The following PTPRT variants were observed in gnomAD, a reference collection of about 807,000 sequenced individuals.
The protein encoded by PTPRT is protein tyrosine phosphatase receptor type T.
Under a neutral mutation model 176.8 loss-of-function variants are expected in PTPRT, and 56 were observed. The observed-to-expected ratio is 0.32, with a 90% confidence interval of 0.26 to 0.40. The LOEUF (loss-of-function observed/expected upper bound fraction) is 0.40, where lower values mean the gene tolerates loss of function less well. PTPRT is among the 10% of genes least tolerant of loss of function. The pLI is 1.00. For synonymous variants in PTPRT, 783 were observed against 739.0 expected, an observed-to-expected ratio of 1.06 and a Z score of -0.96; for missense variants, 1,540 against 1,908.2, an observed-to-expected ratio of 0.81 and a Z score of 3.60.
intron 17 of PTPRT, among the ~76,000 whole-genome samples, chr20:42,157,049 G>A (rs745512280): frequency 3.3e-5 from 5 of 152,018 alleles, no homozygotes; most frequent in Non-Finnish European, 5.9e-5. Flanking sequence ...TTCTCCAGTC[G>A]AATCTCCTAT....
At chr20:42,952,120 G>A (rs1981292619) in intron 1 of PTPRT, among the ~76,000 whole-genome samples, 1 of 152,196 alleles carries the variant, frequency 6.6e-6, no homozygotes, top group South Asian at 2.1e-4. Context: ...TGGCCACGCA[G>A]TGTCCAGCCT....
intron 7 of PTPRT, among the ~76,000 whole-genome samples, 200 bp from the exon 8 acceptor site, chr20:42,472,762 C>T (rs1001977488): frequency 2.0e-5 from 3 of 152,180 alleles, no homozygotes; most frequent in African/African-American, 7.2e-5. Context: ...TATTTAAATA[C>T]ATGCATCTAA....
chr20:42,462,928 A>G (rs1450216454), intron 8 of PTPRT, among the ~76,000 whole-genome samples: 1 of 152,158 alleles, frequency 6.6e-6, no homozygotes, highest in Non-Finnish European at 1.5e-5. Context: ...TTGCATAGTG[A>G]AGTAGTGGAT....
chr20:43,002,355 A>G (rs1000713033), intron 1 of PTPRT, among the ~76,000 whole-genome samples: 14 of 99,396 alleles, frequency 1.4e-4, no homozygotes, highest in Admixed American at 3.1e-4. Flanking sequence ...CAGAAAGATA[A>G]TAAGTATTAA....
At chr20:43,155,842 A>C (rs2014502704) in intron 1 of PTPRT, among the ~76,000 whole-genome samples, 1 of 152,212 alleles carries the variant, frequency 6.6e-6, no homozygotes, top group Non-Finnish European at 1.5e-5. Flanking sequence ...CATTAAAATA[A>C]ATTTTTTTAA....
chr20:42,540,294 G>T (rs866570990), intron 7 of PTPRT, among the ~76,000 whole-genome samples: 45 of 152,132 alleles, frequency 3.0e-4, no homozygotes, highest in African/African-American at 1.1e-3. Flanking sequence ...TCTTCCCTGA[G>T]TGTGAGAGTC....
intron 4 of PTPRT, among the ~76,000 whole-genome samples, chr20:42,779,063 T>A (rs2145493383): frequency 6.6e-6 from 1 of 152,298 alleles, no homozygotes; most frequent in African/African-American, 2.4e-5. Context: ...TGTAATGTGT[T>A]CCAAATTCCT....
intron 1 of PTPRT, among the ~76,000 whole-genome samples, chr20:43,082,095 C>T (rs577744779): frequency 3.6e-4 from 55 of 152,146 alleles, no homozygotes; most frequent in African/African-American, 1.2e-3. Context: ...GGTTATTTTC[C>T]TAGAATGCCA....
rs201929661 is a variant in PTPRT, at chr20:43,175,388, C to G, written c.88+14258G>C. On this transcript the variant is annotated intron_variant, in intron 1 of 30. Coordinates refer to ENST00000373187, the MANE Select transcript of PTPRT (RefSeq NM_007050.6). ...AGGCCTTCCATATAGAAAATAAAAC[C>G]TAAATTTGTCTTGAAAAGATGACAG... Among the ~76,000 whole-genome samples, 48 of 152,354 alleles carry G rather than the reference C, an allele frequency of 3.2e-4. 2 individuals carry two copies. The East Asian group carries it at 5.6e-3, about 18-fold the overall frequency.
At chr20:43,038,643 A>T (rs1266319409) in intron 1 of PTPRT, among the ~76,000 whole-genome samples, 2 of 152,220 alleles carry the variant, frequency 1.3e-5, no homozygotes, top group Non-Finnish European at 2.9e-5. Flanking sequence ...AAGCATTTAA[A>T]AAGAGAAAAC....
At position 42,079,803 on chromosome 20, in the gene PTPRT, C is replaced by T; in HGVS notation, c.*1076G>A. 4.3e-6 allele frequency: 1 copy of T among 230,258 alleles called. No individual in the cohort carries two copies. Among genetic ancestry groups the T allele is most frequent in the East Asian group, 6.1e-5 (1 of 16,278 alleles). 14.3% of individuals were successfully genotyped at this position (230,258 alleles called of 1,614,324 possible). A position where few individuals can be genotyped will look rare whatever the true frequency, so the allele number is the denominator to read the frequency against. The stretch of plus-strand genomic sequence containing the variant: ...AGAAACCAAAGGGACCATCTTCAGG[C>T]TCACCCATCTCTCCTTGCTCAGTGG... On this transcript the variant is annotated 3_prime_UTR_variant, in exon 31 of 31. Coordinates refer to ENST00000373187, the MANE Select transcript of PTPRT (RefSeq NM_007050.6).
intron 1 of PTPRT, among the ~76,000 whole-genome samples, chr20:43,078,887 T>G (rs1443528028): frequency 6.6e-6 from 1 of 152,172 alleles, no homozygotes; most frequent in Non-Finnish European, 1.5e-5. Context: ...AGGAAGCTGC[T>G]CTTCTTGCCG....
At chr20:42,272,910 G>A (rs1020457241) in intron 13 of PTPRT, among the ~76,000 whole-genome samples, 1 of 152,154 alleles carries the variant, frequency 6.6e-6, no homozygotes, top group African/African-American at 2.4e-5. Flanking sequence ...TGGCTTGAAG[G>A]CTTTCTTGAC....
rs146552440 is a variant in PTPRT at position 42,878,631 on chromosome 20, G to A, written c.214+7176C>T. On this transcript the variant is annotated intron_variant, in intron 2 of 30. Coordinates refer to ENST00000373187, the MANE Select transcript of PTPRT (RefSeq NM_007050.6). ...TCTCAAAAACAAGTGACAATATCTC[G>A]AACTCATGGGATGGTGGGACATTAG... Among the ~76,000 whole-genome samples, 391 of 152,238 alleles carry A rather than the reference G, an allele frequency of 2.6e-3. 1 individual carries two copies. The highest frequency in any genetic ancestry group is 8.9e-3 in the African/African-American group (370 of 41,540).
At chr20:42,985,788 G>C (rs1211473051) in intron 1 of PTPRT, among the ~76,000 whole-genome samples, 4 of 152,154 alleles carry the variant, frequency 2.6e-5, no homozygotes, top group Admixed American at 2.6e-4. Context: ...TCAAAGTCTA[G>C]CGGGGGGATG....
chr20:42,925,885 A>G (rs1050682271), intron 1 of PTPRT, among the ~76,000 whole-genome samples: 4 of 152,212 alleles, frequency 2.6e-5, no homozygotes, highest in African/African-American at 9.6e-5. Flanking sequence ...ACTGCACATG[A>G]GTACCTTCTG....
rs535613061 is a variant in PTPRT at position 42,768,460 on chromosome 20, C to CTGGGAACAATTCCTGTCTGGCTTCTG, written c.684+2949_684+2974dup. Among the ~76,000 whole-genome samples the CTGGGAACAATTCCTGTCTGGCTTCTG allele has an allele frequency of 7.3e-3, 1,105 of 152,276 alleles. 10 individuals are homozygous for CTGGGAACAATTCCTGTCTGGCTTCTG. The highest frequency in any genetic ancestry group is 0.011 in the Non-Finnish European group (768 of 68,014). On this transcript the variant is annotated intron_variant, in intron 5 of 30. Coordinates refer to ENST00000373187, the MANE Select transcript of PTPRT (RefSeq NM_007050.6). ...TACAGTGTTTTCTTCACAGGGACTC[C>CTGGGAACAATTCCTGTCTGGCTTCTG]TGGGAACAATTCCTGTCTGGCTTCT...
chr20:42,274,837 T>G (rs1298303818), intron 13 of PTPRT, among the ~76,000 whole-genome samples: 1 of 152,200 alleles, frequency 6.6e-6, no homozygotes, highest in Non-Finnish European at 1.5e-5. Context: ...GCTTGAATAC[T>G]CCTGGAGACA....
At chr20:42,174,467 A>G (rs751023057) in intron 16 of PTPRT, among the ~76,000 whole-genome samples, 1 of 151,960 alleles carries the variant, frequency 6.6e-6, no homozygotes, top group Non-Finnish European at 1.5e-5. Context: ...CACTACCAGC[A>G]TAAATAAAAC....
Sources: allele counts gnomAD v4.1 joint callset (sites outside exome capture counted in the v4.1 genomes callset), GRCh38; gene constraint gnomAD v4.1.1; transcripts MANE v1.5; gene names NCBI Gene and HGNC (gene_info 2026-07-23, HGNC 2026-07-21).